RPIA: variants seen among roughly 807,000 people sequenced by gnomAD.
RPIA encodes ribose 5-phosphate isomerase A.
Under a neutral mutation model 37.8 loss-of-function variants are expected in RPIA, and 29 were observed. That is an observed-to-expected ratio of 0.77 (90% confidence interval 0.57 to 1.05). The LOEUF is 1.05. Among genes scored for constraint, RPIA ranks in the 50% least tolerant of loss-of-function variants. RPIA has a pLI of 0.00. For synonymous variants in RPIA, 167 were observed against 157.0 expected (o/e 1.06, Z -0.48); for missense variants, 385 against 413.6 (o/e 0.93, Z 0.60).
chr2:88,734,818 C>G (rs1573476073), intron 5 of RPIA, among the ~76,000 whole-genome samples: 1 of 152,170 alleles, frequency 6.6e-6, no homozygotes, highest in African/African-American at 2.4e-5. Flanking sequence ...ACCTGGGCCT[C>G]TTTAGTGAGA....
chr2:88,715,979 T>C (rs1412793460), intron 3 of RPIA, among the ~76,000 whole-genome samples: 1 of 152,104 alleles, frequency 6.6e-6, no homozygotes, highest in Non-Finnish European at 1.5e-5. Context: ...TCTTTCCAAA[T>C]AAGAGCTACA....
At chr2:88,699,979 A>G (rs1672808611) in intron 2 of RPIA, 30 bp from the exon 3 acceptor site, 20 of 1,613,280 alleles carry the variant, frequency 1.2e-5, no homozygotes, top group Non-Finnish European at 1.7e-5. Flanking sequence ...GGAGAGTGAA[A>G]AACTGCCAAT....
At chr2:88,736,249 G>A (rs1203059570) in intron 6 of RPIA, among the ~76,000 whole-genome samples, 2 of 152,228 alleles carry the variant, frequency 1.3e-5, no homozygotes, top group East Asian at 1.9e-4. Context: ...ATATGTGTAT[G>A]TGTATATTTA....
chr2:88,709,927 C>T (rs1277851712), intron 3 of RPIA, among the ~76,000 whole-genome samples: 3 of 152,332 alleles, frequency 2.0e-5, no homozygotes, highest in South Asian at 2.1e-4. Context: ...AGTTCTGCCT[C>T]GTCCTGGGGG....
intron 3 of RPIA, among the ~76,000 whole-genome samples, chr2:88,714,917 G>C (rs1382546515): frequency 6.6e-6 from 1 of 152,198 alleles, no homozygotes; most frequent in African/African-American, 2.4e-5. Context: ...TAAGACCAGC[G>C]TTTGACCTTC....
At chr2:88,699,963 A>C in intron 2 of RPIA, 46 bp from the exon 3 acceptor site, 1 of 1,597,820 alleles carries the variant, frequency 6.3e-7, no homozygotes, top group Non-Finnish European at 8.6e-7. Flanking sequence ...AAGAAGAATA[A>C]AGTAAGGAGA....
At chr2:88,733,076 A>G (rs1335606634) in intron 4 of RPIA, among the ~76,000 whole-genome samples, 1 of 152,204 alleles carries the variant, frequency 6.6e-6, no homozygotes, top group Admixed American at 6.5e-5. Context: ...TCTTTTCTAG[A>G]CTAATGCTAG....
chr2:88,750,357 C>CA lies in RPIA; in HGVS notation c.*291dup, dbSNP rs113052379. 17,482 of 314,268 alleles carry CA rather than the reference C, an allele frequency of 0.056. 10 individuals carry two copies. Among genetic ancestry groups the CA allele is most frequent in the East Asian group, 0.069 (1,313 of 19,062 alleles). 19.5% of individuals were successfully genotyped at this position (314,268 alleles called of 1,614,324 possible). ...TTCATGTTTTATATGAAATATTTAC[C>CA]AAAAAAAAAAAATGAGGTAAACTGT... On this transcript the variant is annotated 3_prime_UTR_variant, in exon 9 of 9. Coordinates refer to ENST00000283646, the MANE Select transcript of RPIA (RefSeq NM_144563.3).
At chr2:88,737,257 C>T (rs540561776) in intron 7 of RPIA, among the ~76,000 whole-genome samples, 1 of 152,154 alleles carries the variant, frequency 6.6e-6, no homozygotes, top group Admixed American at 6.5e-5. Context: ...GCAAAGACAG[C>T]AATCCAGAAG....
intron 3 of RPIA, among the ~76,000 whole-genome samples, chr2:88,723,487 A>G (rs1291971272): frequency 1.3e-5 from 2 of 152,172 alleles, no homozygotes; most frequent in African/African-American, 2.4e-5. Context: ...CTACAGCAAA[A>G]TAAACTTTAG....
chr2:88,735,742 A>G lies in RPIA; in HGVS notation c.596+5A>G, dbSNP rs200342264. On this transcript the variant is annotated splice_donor_5th_base_variant and intron_variant, in intron 6 of 8. Transcript: ENST00000283646. ...CATCGTGATCGCTGATTTCAGGTAC[A>G]GTTTCTGGTGTCTGAGCTGCCAACT... 3 of 1,613,588 alleles carry G rather than the reference A, an allele frequency of 1.9e-6. No homozygotes were observed. The African/African-American group carries it at 4.0e-5, about 22-fold the overall frequency.
intron 8 of RPIA, among the ~76,000 whole-genome samples, chr2:88,748,290 C>T (rs1673462069): frequency 6.6e-6 from 1 of 152,214 alleles, no homozygotes; most frequent in Non-Finnish European, 1.5e-5. Context: ...AAAGAGCTTC[C>T]TTGTTCCTTT....
intron 8 of RPIA, among the ~76,000 whole-genome samples, chr2:88,749,252 C>T (rs114644724): frequency 3.3e-5 from 5 of 152,300 alleles, no homozygotes; most frequent in East Asian, 3.9e-4. Context: ...ACCATCAATG[C>T]GTATGAGTGT....
At chr2:88,719,255 T>C (rs937552371) in intron 3 of RPIA, among the ~76,000 whole-genome samples, 5 of 152,172 alleles carry the variant, frequency 3.3e-5, no homozygotes, top group Non-Finnish European at 5.9e-5. Flanking sequence ...CACATAGTAA[T>C]TTAACATAAC....
chr2:88,699,910 T>C (rs1003791599), intron 2 of RPIA, 99 bp from the exon 3 acceptor site: 2 of 1,297,790 alleles, frequency 1.5e-6, no homozygotes, highest in Non-Finnish European at 2.2e-6. Context: ...CTTTGGGAAA[T>C]AGACCTTCCC....
intron 8 of RPIA, among the ~76,000 whole-genome samples, chr2:88,739,814 C>T (rs1490234147): frequency 6.6e-6 from 1 of 152,136 alleles, no homozygotes; most frequent in African/African-American, 2.4e-5. Flanking sequence ...AACGGGGTTT[C>T]ACGATGTTGT....
chr2:88,693,453 A>G (rs150227394), intron 1 of RPIA, among the ~76,000 whole-genome samples: 179 of 152,278 alleles, frequency 1.2e-3, no homozygotes, highest in African/African-American at 4.2e-3. Flanking sequence ...CTTAAAGGCC[A>G]TTTCCTCCTT....
At chr2:88,710,868 G>A (rs961916575) in intron 3 of RPIA, among the ~76,000 whole-genome samples, 2 of 152,158 alleles carry the variant, frequency 1.3e-5, no homozygotes, top group African/African-American at 2.4e-5. Context: ...TTCACTCCTC[G>A]AGCTCTTACC....
intron 3 of RPIA, among the ~76,000 whole-genome samples, chr2:88,712,339 T>G (rs1440566743): frequency 6.6e-6 from 1 of 152,224 alleles, no homozygotes; most frequent in Non-Finnish European, 1.5e-5. Flanking sequence ...GCCTTGCAAG[T>G]GAGAGTTCAT....
Sources: gnomAD v4.1 joint callset for allele counts (sites outside exome capture counted in the v4.1 genomes callset) on GRCh38, gnomAD v4.1.1 for gene constraint, MANE v1.5 for transcripts, NCBI Gene and HGNC (gene_info 2026-07-23, HGNC 2026-07-21) for gene names.